The following TYW1B variants were observed in gnomAD, a reference collection of about 807,000 sequenced individuals.
TYW1B encodes tRNA-yW synthesizing protein 1 homolog B.
In TYW1B, 73 loss-of-function variants were observed where a neutral mutation model predicts 86.9. The observed-to-expected ratio is 0.84, with a 90% CI of 0.70 to 1.02. The LOEUF (loss-of-function observed/expected upper bound fraction) is 1.02, where lower values mean the gene tolerates loss of function less well. TYW1B is among the 50% of genes least tolerant of loss of function. The pLI is 0.00. For synonymous variants in TYW1B, 248 were observed against 292.8 expected, an observed-to-expected ratio of 0.85 and a Z score of 1.56; for missense variants, 637 against 827.4, an observed-to-expected ratio of 0.77 and a Z score of 2.82.
chr7:72,583,813 T>C (rs1212094764), intron 13 of TYW1B, among the ~76,000 whole-genome samples: 1 of 152,198 alleles, frequency 6.6e-6, no homozygotes, highest in Non-Finnish European at 1.5e-5. Context: ...AAACATGTTG[T>C]AGTCACATTC....
intron 11 of TYW1B, among the ~76,000 whole-genome samples, chr7:72,660,394 CAAACAAAA>C (rs1255725027): frequency 6.6e-6 from 1 of 151,762 alleles, no homozygotes; most frequent in Non-Finnish European, 1.5e-5. Context: ...AACAAACAAA[CAAACAAAA>C]AAAGGAGCAG....
At chr7:72,607,975 T>C (rs1811844501) in intron 13 of TYW1B, among the ~76,000 whole-genome samples, 2 of 152,212 alleles carry the variant, frequency 1.3e-5, no homozygotes, top group South Asian at 4.1e-4. Context: ...AGAAATGTCT[T>C]ACCTAAAGGA....
chr7:72,702,847 G>A (rs1348731103), intron 10 of TYW1B, among the ~76,000 whole-genome samples: 6 of 151,456 alleles, frequency 4.0e-5, no homozygotes, highest in East Asian at 1.9e-4. Context: ...AAAAAAAGTC[G>A]CTTGTGATCA....
intron 7 of TYW1B, among the ~76,000 whole-genome samples, chr7:72,745,385 A>G (rs1787376500): frequency 1.3e-5 from 2 of 152,196 alleles, no homozygotes; most frequent in African/African-American, 2.4e-5. Context: ...CAAGAAATAC[A>G]TTATTCCCAT....
At chr7:72,586,687 A>T (rs1554430546) in intron 13 of TYW1B, among the ~76,000 whole-genome samples, 1 of 152,112 alleles carries the variant, frequency 6.6e-6, no homozygotes, top group Non-Finnish European at 1.5e-5. Flanking sequence ...CTGTGAGCAG[A>T]GATCGTGCCA....
At position 72,766,853 on chromosome 7, in the gene TYW1B, G is replaced by A. The variant is rs372797265; in HGVS notation, c.964+10563C>T. 6.6e-5 allele frequency among the ~76,000 whole-genome samples: 10 copies of A among 152,212 alleles called. No individual in the cohort carries two copies. In the East Asian group the frequency reaches 1.5e-3, roughly 23 times the overall value. ...GAGGCAGGAGAATTCCTTGAACCCA[G>A]GAGGCGGAGGTTGCAGAGAGCTGAG... On this transcript the variant is annotated intron_variant, in intron 7 of 13. Coordinates refer to ENST00000620995, the MANE Select transcript of TYW1B (RefSeq NM_001145440.3).
chr7:72,792,383 A>G (rs1788235966), intron 6 of TYW1B, among the ~76,000 whole-genome samples: 1 of 152,116 alleles, frequency 6.6e-6, no homozygotes, highest in Non-Finnish European at 1.5e-5. Context: ...AAAAAATGCA[A>G]ATGAACAATA....
chr7:72,639,263 G>T (rs1812746472), intron 11 of TYW1B, among the ~76,000 whole-genome samples: 2 of 146,568 alleles, frequency 1.4e-5, no homozygotes, highest in South Asian at 4.2e-4. Flanking sequence ...TAAATTTTTT[G>T]TTTTTTTGAG....
intron 13 of TYW1B, among the ~76,000 whole-genome samples, chr7:72,585,876 A>G (rs1585826605): frequency 6.6e-6 from 1 of 152,304 alleles, no homozygotes; most frequent in East Asian, 1.9e-4. Flanking sequence ...GGCAAGGCAC[A>G]ATTCTAGATG....
chr7:72,783,329 C>T (rs1454428000), intron 6 of TYW1B, among the ~76,000 whole-genome samples: 1 of 136,206 alleles, frequency 7.3e-6, no homozygotes, highest in Non-Finnish European at 1.5e-5. Flanking sequence ...ACCTAGCAGG[C>T]GGAGGTTGCA....
chr7:72,812,437 G>A (rs1198204817), intron 3 of TYW1B, among the ~76,000 whole-genome samples: 2 of 152,114 alleles, frequency 1.3e-5, no homozygotes, highest in Admixed American at 6.6e-5. Flanking sequence ...TGTATCCTTA[G>A]TCTTGATAGC....
At chr7:72,652,861 C>T (rs550869519) in intron 11 of TYW1B, among the ~76,000 whole-genome samples, 6 of 152,312 alleles carry the variant, frequency 3.9e-5, no homozygotes, top group African/African-American at 1.4e-4. Context: ...AACTTTACAA[C>T]TGTAGCCTCC....
intron 7 of TYW1B, among the ~76,000 whole-genome samples, chr7:72,772,559 A>C (rs1254289888): frequency 6.6e-6 from 1 of 152,082 alleles, no homozygotes; most frequent in Non-Finnish European, 1.5e-5. Context: ...ATAACCTGTC[A>C]TTTCAAATTT....
chr7:72,754,582 C>T (rs1787555668), intron 7 of TYW1B, among the ~76,000 whole-genome samples: 1 of 152,034 alleles, frequency 6.6e-6, no homozygotes, highest in African/African-American at 2.4e-5. Flanking sequence ...AGACTACAAG[C>T]ACATGCCACC....
intron 7 of TYW1B, among the ~76,000 whole-genome samples, chr7:72,753,573 C>T (rs547503578): frequency 4.6e-5 from 7 of 151,762 alleles, no homozygotes; most frequent in East Asian, 1.9e-4. Flanking sequence ...CTCTGCCACC[C>T]GGGTTCAAGT....
intron 3 of TYW1B, among the ~76,000 whole-genome samples, chr7:72,813,012 A>T: frequency 6.6e-6 from 1 of 151,942 alleles, no homozygotes; most frequent in East Asian, 1.9e-4. Flanking sequence ...TTTTAAAGAA[A>T]GTTTTAGTGG....
At chr7:72,592,422 G>A (rs1200960437) in intron 13 of TYW1B, among the ~76,000 whole-genome samples, 1 of 152,122 alleles carries the variant, frequency 6.6e-6, no homozygotes, top group African/African-American at 2.4e-5. Context: ...AAATGAAAAG[G>A]TAATTTAAAT....
intron 2 of TYW1B, among the ~76,000 whole-genome samples, chr7:72,824,182 C>A (rs1409247020): frequency 6.6e-6 from 1 of 151,968 alleles, no homozygotes; most frequent in Non-Finnish European, 1.5e-5. Flanking sequence ...TACTATTCTG[C>A]GCAACTTCCA....
At chr7:72,797,374 G>A (rs547266318) in intron 6 of TYW1B, among the ~76,000 whole-genome samples, 1 of 152,258 alleles carries the variant, frequency 6.6e-6, no homozygotes, top group South Asian at 2.1e-4. Context: ...GGGGCTTCCT[G>A]GTTGAGGAAC....
Sources: gnomAD v4.1 joint callset for allele counts (sites outside exome capture counted in the v4.1 genomes callset) on GRCh38, gnomAD v4.1.1 for gene constraint, MANE v1.5 for transcripts, NCBI Gene and HGNC (gene_info 2026-07-23, HGNC 2026-07-21) for gene names.